KCTD1: variants seen among roughly 807,000 people sequenced by gnomAD.
KCTD1 encodes the protein BTB/POZ domain-containing protein KCTD1.
A neutral mutation model predicts 66.0 loss-of-function variants in KCTD1; 24 were observed. That is an observed-to-expected ratio of 0.36 (90% CI 0.26 to 0.51). KCTD1 has a LOEUF of 0.51. Ranked by LOEUF, KCTD1 falls within the 20% of genes least tolerant of loss-of-function variation. The pLI, the probability that KCTD1 is intolerant of heterozygous loss-of-function variation, is 0.95. For missense variants in KCTD1, 943 were observed against 1,205.2 expected (o/e 0.78, Z 3.22); for synonymous variants, 511 against 517.2 (o/e 0.99, Z 0.16).
At chr18:26,465,210 AG>A (rs1980658083) in intron 3 of KCTD1, among the ~76,000 whole-genome samples, 1 of 152,106 alleles carries the variant, frequency 6.6e-6, no homozygotes, top group African/African-American at 2.4e-5. Context: ...CAGCCTCCAG[AG>A]TAGCTGGGAC....
intron 1 of KCTD1, among the ~76,000 whole-genome samples, chr18:26,531,511 T>C (rs181072077): frequency 6.1e-4 from 93 of 152,328 alleles, no homozygotes; most frequent in African/African-American, 2.1e-3. Context: ...TTGTAAGGTA[T>C]ACCAAAGTAT....
intron 3 of KCTD1, among the ~76,000 whole-genome samples, chr18:26,464,424 ATC>A (rs1598875261): frequency 6.6e-6 from 1 of 152,306 alleles, no homozygotes; most frequent in East Asian, 1.9e-4. Flanking sequence ...TAATCCTCCC[ATC>A]TCAAGACCCT....
At chr18:26,617,964 C>G (rs971080678) in intron 1 of KCTD1, among the ~76,000 whole-genome samples, 1 of 151,454 alleles carries the variant, frequency 6.6e-6, no homozygotes, top group African/African-American at 2.4e-5. Flanking sequence ...TCCATGTGAA[C>G]TTTGAAGCTA....
intron 1 of KCTD1, among the ~76,000 whole-genome samples, chr18:26,535,377 G>T (rs918235169): frequency 2.0e-4 from 31 of 152,102 alleles, no homozygotes; most frequent in African/African-American, 7.2e-4. Flanking sequence ...AGAAACAGAG[G>T]ACTGGTCCCA....
intron 2 of KCTD1, among the ~76,000 whole-genome samples, chr18:26,494,538 C>A (rs1400239467): frequency 6.6e-6 from 1 of 152,168 alleles, no homozygotes; most frequent in Non-Finnish European, 1.5e-5. Flanking sequence ...CTGAATCCAG[C>A]AGTTGTGCAA....
chr18:26,622,198 G>A (rs1181615799), intron 1 of KCTD1, among the ~76,000 whole-genome samples: 2 of 152,196 alleles, frequency 1.3e-5, no homozygotes, highest in Admixed American at 6.5e-5. Flanking sequence ...AAAAAAGAGG[G>A]TGAGGAGGGC....
At chr18:26,613,737 GA>G (rs2144998536) in intron 1 of KCTD1, among the ~76,000 whole-genome samples, 1 of 152,342 alleles carries the variant, frequency 6.6e-6, no homozygotes, top group African/African-American at 2.4e-5. Context: ...TTTGAACAGA[GA>G]GAAGAGGCTC....
chr18:26,468,757 G>C lies in KCTD1; in HGVS notation c.2133+7758C>G, dbSNP rs891449985. Among the ~76,000 whole-genome samples the C allele has an allele frequency of 6.6e-6, 1 of 152,194 alleles. No individual in the cohort carries two copies. Among genetic ancestry groups the C allele is most frequent in the Non-Finnish European group, 1.5e-5 (1 of 68,032 alleles). On this transcript the variant is annotated intron_variant, in intron 3 of 4. Coordinates refer to ENST00000580059, the MANE Select transcript of KCTD1 (RefSeq NM_001142730.3). This position sits in a 1 kb window ranked among gnomAD's most constrained non-coding sequence, Gnocchi z 4.8. The stretch of plus-strand genomic sequence containing the variant: ...AGCTACTTGGGAGGCTGAGGAAAGA[G>C]AACTGCTTGAACCCGGGAGGCGGAG...
intron 1 of KCTD1, among the ~76,000 whole-genome samples, chr18:26,570,957 C>T (rs1429710547): frequency 6.6e-6 from 1 of 152,212 alleles, no homozygotes; most frequent in Admixed American, 6.5e-5. Context: ...TTGTTTCAGG[C>T]ACTTCCATGG....
Position 26,639,099 on chromosome 18 carries a change from T to C in KCTD1, c.-107+1212A>G, listed in dbSNP as rs533995966. Among the ~76,000 whole-genome samples, 39 of 152,206 alleles carry C rather than the reference T, an allele frequency of 2.6e-4. No homozygotes were observed. The South Asian group carries it at 8.1e-3, about 32-fold the overall frequency. On this transcript the variant is annotated intron_variant, in intron 1 of 5. Transcript: ENST00000579973. ...CCCCAGAGTCCCCTGGGGAGAAACA[T>C]CTCCCCACAGAAAAGCTGGGTTCTG... is the stretch of plus-strand genomic sequence containing the variant.
At chr18:26,584,130 T>C (rs1157591263) in intron 1 of KCTD1, among the ~76,000 whole-genome samples, 1 of 152,166 alleles carries the variant, frequency 6.6e-6, no homozygotes, top group Non-Finnish European at 1.5e-5. Flanking sequence ...TGAGGCAATA[T>C]TGGGATTGGA....
At position 26,547,279 on chromosome 18, in the gene KCTD1, A is replaced by C; in HGVS notation, c.1258T>G (p.Trp420Gly). Residue 420 changes from tryptophan to glycine, a missense_variant, in exon 1 of 5, where the codon TGG (tryptophan) becomes GGG (glycine). Coordinates refer to ENST00000580059, the MANE Select transcript of KCTD1 (RefSeq NM_001142730.3). ...TTGCCGATGGCTTTGTTCTCGTACC[A>C]GGTCACATCGCCCTCGCTGCAGTGG... ...RDHCSEGDVT[W>G]YENKAIGKNL... is the part of the protein sequence containing the mutation. The C allele has an allele frequency of 6.4e-7, 1 of 1,551,684 alleles. No individual in the cohort carries two copies. The highest frequency in any genetic ancestry group is 8.7e-7 in the Non-Finnish European group (1 of 1,146,982).
At chr18:26,465,117 C>G (rs1980651798) in intron 3 of KCTD1, among the ~76,000 whole-genome samples, 2 of 152,120 alleles carry the variant, frequency 1.3e-5, no homozygotes, top group African/African-American at 4.8e-5. Flanking sequence ...GAGTTTCTCT[C>G]TCCTTGTCCA....
chr18:26,629,851 G>C (rs1349078735), upstream of KCTD1, among the ~76,000 whole-genome samples: 18 of 151,896 alleles, frequency 1.2e-4, no homozygotes, highest in Non-Finnish European at 1.5e-5. Flanking sequence ...CTGAGTAGCT[G>C]GGATTATAGA....
At chr18:26,557,597 G>A (rs1985736854) in intron 1 of KCTD1, among the ~76,000 whole-genome samples, 1 of 152,164 alleles carries the variant, frequency 6.6e-6, no homozygotes, top group Non-Finnish European at 1.5e-5. Context: ...GCCCAGGGAT[G>A]TATATTTTTA....
intron 1 of KCTD1, among the ~76,000 whole-genome samples, chr18:26,636,501 G>A (rs1438365422): frequency 6.6e-6 from 1 of 152,168 alleles, no homozygotes; most frequent in East Asian, 1.9e-4. Flanking sequence ...ACACCAGGGT[G>A]CCCTGAGTCC....
intron 1 of KCTD1, among the ~76,000 whole-genome samples, chr18:26,579,662 T>C (rs1986308308): frequency 6.6e-6 from 1 of 152,224 alleles, no homozygotes; most frequent in Non-Finnish European, 1.5e-5. Context: ...TTATTTCCCA[T>C]CATCAAATTT....
intron 1 of KCTD1, among the ~76,000 whole-genome samples, chr18:26,587,522 A>G (rs1320120763): frequency 1.3e-5 from 2 of 152,206 alleles, no homozygotes; most frequent in East Asian, 3.8e-4. Flanking sequence ...TAAGAAATCC[A>G]TTTCATAACG....
At chr18:26,576,054 C>G (rs7240205) in intron 1 of KCTD1, among the ~76,000 whole-genome samples, 1 of 151,992 alleles carries the variant, frequency 6.6e-6, no homozygotes, top group African/African-American at 2.4e-5. Flanking sequence ...TCTATACTCC[C>G]TGTAGATAGC....
Sources: allele counts gnomAD v4.1 joint callset (sites outside exome capture counted in the v4.1 genomes callset), GRCh38; gene constraint gnomAD v4.1.1; non-coding constraint Gnocchi (gnomAD v3.1); transcripts MANE v1.5; gene names NCBI Gene and HGNC (gene_info 2026-07-23, HGNC 2026-07-21).